Variants in ZFYVE26 observed in about 807,000 individuals in gnomAD.
The protein encoded by ZFYVE26 is zinc finger FYVE domain-containing protein 26.
A neutral mutation model predicts 276.5 loss-of-function variants in ZFYVE26; 181 were observed. The observed-to-expected ratio is 0.65, with a 90% confidence interval of 0.58 to 0.74. The LOEUF (loss-of-function observed/expected upper bound fraction) is 0.74. Ranked by LOEUF, ZFYVE26 falls within the 30% of genes least tolerant of loss-of-function variation. The probability of loss-of-function intolerance (pLI) is 0.00; values close to 1 mark genes in which losing one functional copy is unlikely to be tolerated. For synonymous variants in ZFYVE26, 1,129 were observed against 1,203.1 expected (o/e 0.94, Z 1.27); for missense variants, 2,821 against 3,097.9 (o/e 0.91, Z 2.12).
At chr14:67,774,920 A>G (rs1273225397) in intron 27 of ZFYVE26, 96 bp downstream of exon 27, 5 of 724,722 alleles carry the variant, frequency 6.9e-6, no homozygotes, top group Non-Finnish European at 1.1e-5. Flanking sequence ...ACTGGCAATG[A>G]AAAAAAGAAG....
At chr14:67,730,776 G>A (rs1276022430) in intron 13 of ZFYVE26, among the ~76,000 whole-genome samples, 1 of 152,022 alleles carries the variant, frequency 6.6e-6, no homozygotes, top group Non-Finnish European at 1.5e-5. Flanking sequence ...ACTAGTTTTT[G>A]TATTTTTAGT....
chr14:67,782,118 C>T (rs372516596), intron 21 of ZFYVE26, among the ~76,000 whole-genome samples: 70 of 152,316 alleles, frequency 4.6e-4, no homozygotes, highest in African/African-American at 1.6e-3. Context: ...CCAAAGGGAG[C>T]CAAGCCTCCT....
At chr14:67,809,330 T>G in intron 3 of ZFYVE26, 41 bp from the exon 4 acceptor site, 1 of 1,402,066 alleles carries the variant, frequency 7.1e-7, no homozygotes, top group Non-Finnish European at 1.0e-6. Context: ...ATGAGATATA[T>G]GTTTTAGTTA....
chr14:67,761,328 G>C (rs1411052095), intron 35 of ZFYVE26, 38 bp downstream of exon 35: 1 of 1,578,774 alleles, frequency 6.3e-7, no homozygotes, highest in Non-Finnish European at 8.6e-7. Flanking sequence ...AGAGGAGTAA[G>C]GCAGGCACTG....
chr14:67,797,696 G>C lies in ZFYVE26; in HGVS notation c.2308C>G (p.Arg770Gly), dbSNP rs760999857. 6.2e-7 allele frequency: 1 copy of C among 1,614,146 alleles called. No individual in the cohort carries two copies. The highest frequency in any genetic ancestry group is 1.1e-5 in the South Asian group (1 of 91,076). ...CCTGCCTGGCTCCTTCTTGTCCGACGACCCCGGCGGAGACTGGGGTGACGT... is the reference window on the plus strand; with the variant it reads ...CCTGCCTGGCTCCTTCTTGTCCGACCACCCCGGCGGAGACTGGGGTGACGT... ...ATRHPSLRRG[R>G]RTRRSQADGR... Residue 770 changes from arginine (R) to glycine (G), a missense_variant, in exon 12 of 42, where the codon CGT becomes GGT. Arg to Gly is a moderately radical substitution (Grantham distance 125). Coordinates refer to ENST00000347230, the MANE Select transcript of ZFYVE26 (RefSeq NM_015346.4).
At position 67,729,566 on chromosome 14, in the gene ZFYVE26, G is replaced by T. The variant is rs929590525; in HGVS notation, n.2933C>A. 1.1e-5 allele frequency: 7 copies of T among 664,834 alleles called. No individual in the cohort carries two copies. The African/African-American group carries it at 1.3e-4, about 12-fold the overall frequency. The allele number at this position is 664,834 out of a possible 1,614,324, so 41.2% of individuals were successfully genotyped here. On this transcript the variant is annotated non_coding_transcript_exon_variant, in exon 14 of 15. Transcript: ENST00000394455. ...ACAGTACAAACTTATGTGTTGGGAAGAGTTGCTTTTCTGGCTTTATTTTAT... is the reference window on the plus strand; with the variant it reads ...ACAGTACAAACTTATGTGTTGGGAATAGTTGCTTTTCTGGCTTTATTTTAT...
intron 27 of ZFYVE26, among the ~76,000 whole-genome samples, chr14:67,772,738 C>G (rs2039246303): frequency 6.6e-6 from 1 of 152,136 alleles, no homozygotes; most frequent in Admixed American, 6.5e-5. Flanking sequence ...AGTTCAAAAC[C>G]AGCCTGGGCA....
At chr14:67,761,768 AAAC>A (rs2038936632) in intron 34 of ZFYVE26, 184 bp from the exon 35 acceptor site, 4 of 488,416 alleles carry the variant, frequency 8.2e-6, no homozygotes, top group South Asian at 6.5e-5. Flanking sequence ...AAAAATAAAA[AAAC>A]AAATAAAGAA....
At chr14:67,751,569 C>T (rs1464789065) in intron 40 of ZFYVE26, 1 of 240,200 alleles carries the variant, frequency 4.2e-6, no homozygotes, top group Non-Finnish European at 8.2e-6. Flanking sequence ...AAACTCAACT[C>T]CTGCTTTAAG....
chr14:67,810,512 C>G (rs2040278153), intron 3 of ZFYVE26, among the ~76,000 whole-genome samples: 1 of 152,110 alleles, frequency 6.6e-6, no homozygotes. Context: ...TACAAATAAT[C>G]TTTACTAGAG....
At chr14:67,735,467 A>T in intron 13 of ZFYVE26, 1 of 581,638 alleles carries the variant, frequency 1.7e-6, no homozygotes, top group South Asian at 2.1e-5. Flanking sequence ...ATGCCGGGGG[A>T]TTGGTGGCCG....
intron 13 of ZFYVE26, among the ~76,000 whole-genome samples, chr14:67,731,014 T>C (rs866995468): frequency 2.2e-4 from 33 of 152,318 alleles, no homozygotes; most frequent in Admixed American, 9.8e-4. Context: ...TTTATATTGA[T>C]TGCATGCTAA....
rs756229464 is a variant in ZFYVE26, at chr14:67,815,817, C to T, written c.147G>A (p.Arg49=). 71 of 1,613,854 alleles carry T rather than the reference C, an allele frequency of 4.4e-5. No individual in the cohort carries two copies. The highest frequency in any genetic ancestry group is 5.7e-5 in the Non-Finnish European group (67 of 1,180,054). Residue 49 remains arginine (R), a synonymous_variant, in exon 2 of 42, where the codon AGG becomes AGA. Coordinates refer to ENST00000347230, the MANE Select transcript of ZFYVE26 (RefSeq NM_015346.4). ...LQEGQGDIPK[R]VEDILQALVV... ...CCAATGCCTGAAGTATGTCTTCTAC[C>T]CTCTTTGGGATATCCCCTTGTCCCT... is the stretch of plus-strand genomic sequence containing the variant.
intron 34 of ZFYVE26, 151 bp from the exon 35 acceptor site, chr14:67,761,735 C>T: frequency 1.5e-6 from 1 of 664,006 alleles, no homozygotes; most frequent in South Asian, 1.7e-5. Context: ...TGCACATGTA[C>T]CCTAGAACTT....
chr14:67,758,593 G>A (rs974974333), intron 35 of ZFYVE26, among the ~76,000 whole-genome samples: 1 of 151,770 alleles, frequency 6.6e-6, no homozygotes, highest in Non-Finnish European at 1.5e-5. Context: ...CAACAGAGAG[G>A]GCCTGAAAGG....
At chr14:67,770,613 G>A (rs973161147) in intron 28 of ZFYVE26, 3 of 151,996 alleles carry the variant, frequency 2.0e-5, no homozygotes, top group Non-Finnish European at 4.4e-5. Flanking sequence ...ATATTCTGAT[G>A]TGTGTAATAT....
chr14:67,771,118 C>T (rs995001667), intron 28 of ZFYVE26, among the ~76,000 whole-genome samples: 1 of 152,106 alleles, frequency 6.6e-6, no homozygotes, highest in Non-Finnish European at 1.5e-5. Flanking sequence ...TGAACTTCTC[C>T]CTCCTTCCAC....
In ZFYVE26 at chr14:67,798,459, C is replaced by T. The variant is rs2140243297; in HGVS notation, c.1803G>A (p.Glu601=). 6.2e-7 allele frequency: 1 copy of T among 1,614,188 alleles called. No homozygotes were observed. The highest frequency in any genetic ancestry group is 1.1e-5 in the South Asian group (1 of 91,074). ...PEPHLPEDYA[E]DDDIEGKSPS... ...GGCTCTTCCCCTCAATGTCATCATC[C>T]TCAGCATAGTCCTCAGGCAAGTGAG... Residue 601 remains glutamate, a synonymous_variant, in exon 11 of 42, where the codon GAG becomes GAA. Coordinates refer to ENST00000347230, the MANE Select transcript of ZFYVE26 (RefSeq NM_015346.4).
In ZFYVE26 at chr14:67,790,735, T is replaced by G; in HGVS notation, c.2592A>C (p.Ser864=). ...FTFNLKSSPS[S]GELMFMERYQ... ...AGCGCTCCATGAACATCAGTTCCCC[T>G]GAACTGGGTGAGGACTTCAGGTTGA... The change falls in exon 15 of 42, where the codon TCA becomes TCC. Residue 864 remains serine, a synonymous_variant. Coordinates refer to ENST00000347230, the MANE Select transcript of ZFYVE26 (RefSeq NM_015346.4). The G allele has an allele frequency of 1.2e-6, 2 of 1,613,858 alleles. No homozygotes were observed. The highest frequency in any genetic ancestry group is 2.2e-5 in the East Asian group (1 of 44,888).
Sources: allele counts gnomAD v4.1 joint callset (sites outside exome capture counted in the v4.1 genomes callset), GRCh38; gene constraint gnomAD v4.1.1; transcripts MANE v1.5; gene names NCBI Gene and HGNC (gene_info 2026-07-23, HGNC 2026-07-21).